Variants in LINGO2 observed in about 807,000 individuals in gnomAD.
The protein encoded by LINGO2 is leucine rich repeat and Ig domain containing 2.
Under a neutral mutation model 30.6 loss-of-function variants are expected in LINGO2, and 14 were observed. The ratio of observed to expected loss-of-function variants is 0.46; its 90% CI spans 0.30 to 0.72. The LOEUF is 0.72. LINGO2 is among the 30% of genes least tolerant of loss of function. LINGO2 has a pLI of 0.07. For synonymous variants in LINGO2, 317 were observed against 288.5 expected (o/e 1.10, Z -1.00); for missense variants, 729 against 751.7 (o/e 0.97, Z 0.35).
At chr9:29,012,002 CTA>C in the LINGO2 span, among the ~76,000 whole-genome samples, 2 of 152,086 alleles carry the variant, frequency 1.3e-5, no homozygotes, top group East Asian at 3.9e-4. Flanking sequence ...TTTATCAGTG[CTA>C]TGTTTCAGAC....
chr9:29,182,911 C>T, the LINGO2 span, among the ~76,000 whole-genome samples: 1 of 152,080 alleles, frequency 6.6e-6, no homozygotes, highest in Non-Finnish European at 1.5e-5. Flanking sequence ...TCCAAACATA[C>T]TGAGATACAA....
chr9:29,012,142 G>A, the LINGO2 span, among the ~76,000 whole-genome samples: 1 of 152,080 alleles, frequency 6.6e-6, no homozygotes, highest in East Asian at 1.9e-4. Context: ...CAGATCACCT[G>A]AGGTCACAAG....
At chr9:28,341,684 A>T in intron 3 of LINGO2, among the ~76,000 whole-genome samples, 1 of 152,194 alleles carries the variant, frequency 6.6e-6, no homozygotes, top group Middle Eastern at 3.4e-3. Context: ...CTTTTTCAAA[A>T]TTTAACCATA....
chr9:28,661,451 T>C (rs903765115), intron 1 of LINGO2, among the ~76,000 whole-genome samples: 14 of 152,202 alleles, frequency 9.2e-5, no homozygotes, highest in African/African-American at 3.1e-4. Context: ...ACCGGCCCAT[T>C]GACAATAAAT....
chr9:28,985,604 T>C, the LINGO2 span, among the ~76,000 whole-genome samples: 3 of 152,110 alleles, frequency 2.0e-5, no homozygotes, highest in Non-Finnish European at 4.4e-5. Context: ...TAAATTTCCC[T>C]AATAATTGGT....
chr9:28,259,705 T>C (rs996507589), intron 4 of LINGO2, among the ~76,000 whole-genome samples: 6 of 151,792 alleles, frequency 4.0e-5, no homozygotes, highest in Non-Finnish European at 7.4e-5. Context: ...GAGTATAAAT[T>C]GATCCTGAAA....
At chr9:29,025,921 T>C in the LINGO2 span, among the ~76,000 whole-genome samples, 1 of 152,198 alleles carries the variant, frequency 6.6e-6, no homozygotes, top group African/African-American at 2.4e-5. Context: ...CTTATTTCAA[T>C]TAACAAAATG....
At chr9:28,677,091 A>C in the LINGO2 span, among the ~76,000 whole-genome samples, 1 of 152,138 alleles carries the variant, frequency 6.6e-6, no homozygotes, top group South Asian at 2.1e-4. Flanking sequence ...TGCATGCCTA[A>C]TTCTCACAAC....
chr9:27,978,172 C>A (rs1042287521), intron 5 of LINGO2, among the ~76,000 whole-genome samples: 1 of 152,020 alleles, frequency 6.6e-6, no homozygotes. Flanking sequence ...TCAGCTTTGG[C>A]GCTGATCCTA....
rs1402236379 is a variant in LINGO2 at position 28,632,829 on chromosome 9, TTA to T, written c.-365+37369_-365+37370del. ...ATAGATGATCTATATATATTATATA[TTA>T]TATATATAAATCTATATATATTTTT... is the stretch of plus-strand genomic sequence containing the variant. On this transcript the variant is annotated intron_variant, in intron 1 of 5. Coordinates refer to ENST00000379992, the Ensembl canonical transcript of LINGO2. Among the ~76,000 whole-genome samples, 263 of 133,542 alleles carry T rather than the reference TTA, an allele frequency of 2.0e-3. 3 individuals carry two copies. The highest frequency in any genetic ancestry group is 7.0e-3 in the African/African-American group (245 of 34,860). The allele number at this position is 133,542 out of a possible 152,430, so 87.6% of individuals were successfully genotyped here.
At chr9:28,316,995 T>C (rs1035664864) in intron 3 of LINGO2, among the ~76,000 whole-genome samples, 5 of 152,218 alleles carry the variant, frequency 3.3e-5, no homozygotes, top group African/African-American at 9.6e-5. Context: ...TTCACCTACA[T>C]GACAATGTAT....
chr9:28,066,541 C>T (rs1476008642), intron 4 of LINGO2, among the ~76,000 whole-genome samples: 1 of 152,026 alleles, frequency 6.6e-6, no homozygotes, highest in Non-Finnish European at 1.5e-5. Context: ...AATAGGAATT[C>T]TTATGAGGAC....
chr9:28,377,949 T>C (rs1419641839), intron 2 of LINGO2, among the ~76,000 whole-genome samples: 1 of 152,152 alleles, frequency 6.6e-6, no homozygotes, highest in Non-Finnish European at 1.5e-5. Context: ...AAAATCCAGT[T>C]AAGATTTTAC....
chr9:28,601,163 T>C (rs1187525259), intron 1 of LINGO2, among the ~76,000 whole-genome samples: 1 of 152,100 alleles, frequency 6.6e-6, no homozygotes, highest in Non-Finnish European at 1.5e-5. Context: ...TATTTTCATA[T>C]TTTCTCCCAC....
intron 4 of LINGO2, among the ~76,000 whole-genome samples, chr9:28,065,661 TGA>T (rs1434211315): frequency 6.6e-6 from 1 of 152,168 alleles, no homozygotes; most frequent in Non-Finnish European, 1.5e-5. Flanking sequence ...CCTCAGATTT[TGA>T]GAGTCTTTCA....
intron 4 of LINGO2, among the ~76,000 whole-genome samples, chr9:28,054,090 G>C (rs1390865142): frequency 6.6e-6 from 1 of 151,496 alleles, no homozygotes; most frequent in Non-Finnish European, 1.5e-5. Flanking sequence ...GTGGGATTCT[G>C]TGATGGGAGG....
the LINGO2 span, among the ~76,000 whole-genome samples, chr9:28,854,461 G>T: frequency 6.6e-6 from 1 of 151,918 alleles, no homozygotes; most frequent in South Asian, 2.1e-4. Flanking sequence ...TTTGTGATAG[G>T]GCTATTTGTA....
chr9:28,862,437 T>C, the LINGO2 span, among the ~76,000 whole-genome samples: 1 of 152,152 alleles, frequency 6.6e-6, no homozygotes, highest in East Asian at 1.9e-4. Context: ...ACATATTGAT[T>C]CATTCTTTTG....
chr9:28,459,648 C>T (rs1272524959), intron 2 of LINGO2, among the ~76,000 whole-genome samples: 1 of 151,908 alleles, frequency 6.6e-6, no homozygotes, highest in Non-Finnish European at 1.5e-5. Context: ...ATCTTTTCCA[C>T]AGGTGTATTC....
Sources: gnomAD v4.1 joint callset for allele counts (sites outside exome capture counted in the v4.1 genomes callset) on GRCh38, gnomAD v4.1.1 for gene constraint, MANE v1.5 for transcripts, NCBI Gene and HGNC (gene_info 2026-07-23, HGNC 2026-07-21) for gene names.